ANK1: variants seen among roughly 807,000 people sequenced by gnomAD.
ANK1 encodes the protein ankyrin 1, also known as ankyrin-1.
In ANK1, 51 loss-of-function variants were observed where a neutral mutation model predicts 210.4. That is an observed-to-expected ratio of 0.24 (90% CI 0.19 to 0.31). The LOEUF is 0.31. Among genes scored for constraint, ANK1 ranks in the 10% least tolerant of loss-of-function variants. The pLI is 1.00. For missense variants in ANK1, 2,051 were observed against 2,504.4 expected (o/e 0.82, Z 3.86); for synonymous variants, 967 against 1,025.9 (o/e 0.94, Z 1.10).
chr8:41,756,649 G>A (rs1255820594), intron 2 of ANK1, among the ~76,000 whole-genome samples: 1 of 152,136 alleles, frequency 6.6e-6, no homozygotes, highest in Non-Finnish European at 1.5e-5. Context: ...CTCCACGATG[G>A]CCAGGCTGGT....
intron 37 of ANK1, among the ~76,000 whole-genome samples, chr8:41,681,791 G>A (rs1430539568): frequency 7.0e-6 from 1 of 142,304 alleles, no homozygotes; most frequent in Non-Finnish European, 1.5e-5. Context: ...AGAACACAAG[G>A]GCACCCAGAT....
chr8:41,875,579 A>C (rs1816399976), intron 1 of ANK1, among the ~76,000 whole-genome samples: 1 of 152,206 alleles, frequency 6.6e-6, no homozygotes, highest in Non-Finnish European at 1.5e-5. Flanking sequence ...ACATCTGTGC[A>C]GTATTAAGTG....
At chr8:41,822,868 G>A (rs1004559927) in intron 1 of ANK1, among the ~76,000 whole-genome samples, 1 of 152,234 alleles carries the variant, frequency 6.6e-6, no homozygotes, top group South Asian at 2.1e-4. Context: ...GAGAGCGGGG[G>A]CGGTGGAGGG....
chr8:41,757,267 T>C (rs1048899899), intron 2 of ANK1, among the ~76,000 whole-genome samples: 2 of 152,264 alleles, frequency 1.3e-5, no homozygotes, highest in African/African-American at 4.8e-5. Flanking sequence ...AATGGATAAC[T>C]GTATTCTAAA....
intron 4 of ANK1, 106 bp downstream of exon 4, chr8:41,727,802 G>A: frequency 9.7e-7 from 1 of 1,030,558 alleles, no homozygotes; most frequent in Non-Finnish European, 1.5e-6. Flanking sequence ...CTGCCCCACA[G>A]TAGTGTGTGT....
rs752905346 is a variant in ANK1 at position 41,803,039 on chromosome 8, AAG to A, written c.127-44904_127-44903del. On this transcript the variant is annotated intron_variant, in intron 1 of 42. Coordinates refer to the ANK1 transcript ENST00000265709. ...AAAGAAAGAAAGAAAGAAAGAAAGA[AAG>A]AGAAAGAAAGAAAGAGAGAAAGGAA... Among the ~76,000 whole-genome samples, 104 of 68,938 alleles carry A rather than the reference AAG, an allele frequency of 1.5e-3. 1 individual carries two copies. The highest frequency in any genetic ancestry group is 6.0e-3 in the Middle Eastern group (1 of 168). The allele number at this position is 68,938 out of a possible 152,430, so 45.2% of individuals were successfully genotyped here.
chr8:41,786,174 C>T (rs1846343533), intron 1 of ANK1, among the ~76,000 whole-genome samples: 1 of 152,192 alleles, frequency 6.6e-6, no homozygotes, highest in African/African-American at 2.4e-5. Context: ...CTTTTCAGAG[C>T]AGCCACCACA....
intron 1 of ANK1, among the ~76,000 whole-genome samples, chr8:41,854,467 C>T (rs951093570): frequency 6.6e-6 from 1 of 152,170 alleles, no homozygotes; most frequent in Non-Finnish European, 1.5e-5. Flanking sequence ...GCACAAGCAT[C>T]ATATCTGAGA....
At chr8:41,744,814 C>T (rs1442627819) in intron 2 of ANK1, among the ~76,000 whole-genome samples, 1 of 152,168 alleles carries the variant, frequency 6.6e-6, no homozygotes, top group African/African-American at 2.4e-5. Flanking sequence ...GGATTACAGG[C>T]GTGAGCCTCC....
At chr8:41,709,057 G>T in intron 16 of ANK1, 82 bp from the exon 17 acceptor site, 1 of 1,554,696 alleles carries the variant, frequency 6.4e-7, no homozygotes, top group Non-Finnish European at 8.8e-7. Flanking sequence ...GGCTGAGTCT[G>T]GTTCTTGGCC....
At chr8:41,885,465 A>C (rs1818304998) in intron 1 of ANK1, among the ~76,000 whole-genome samples, 2 of 152,220 alleles carry the variant, frequency 1.3e-5, no homozygotes, top group South Asian at 4.1e-4. Flanking sequence ...AGTTAAGTGC[A>C]ACAGCTCAAG....
At chr8:41,755,218 A>ACGAAC (rs1430703883) in intron 2 of ANK1, among the ~76,000 whole-genome samples, 1 of 152,212 alleles carries the variant, frequency 6.6e-6, no homozygotes, top group Non-Finnish European at 1.5e-5. Context: ...TGAGCCCAAA[A>ACGAAC]CGAACCGAAG....
At chr8:41,811,663 A>C (rs1587138340) in intron 1 of ANK1, among the ~76,000 whole-genome samples, 1 of 152,078 alleles carries the variant, frequency 6.6e-6, no homozygotes, top group Non-Finnish European at 1.5e-5. Context: ...AGAGCACGGA[A>C]CCTCCCAAAC....
chr8:41,865,582 C>T (rs1378575430), intron 1 of ANK1, among the ~76,000 whole-genome samples: 4 of 152,148 alleles, frequency 2.6e-5, no homozygotes, highest in Non-Finnish European at 5.9e-5. Flanking sequence ...AAGCTGCACA[C>T]GTGTGAATTG....
intron 1 of ANK1, among the ~76,000 whole-genome samples, chr8:41,778,465 T>C (rs1844580282): frequency 1.3e-5 from 2 of 152,198 alleles, no homozygotes; most frequent in African/African-American, 2.4e-5. Flanking sequence ...GTTGTGGGGA[T>C]CCATTTCAAT....
chr8:41,703,420 G>GTATA (rs1431513474), intron 20 of ANK1, among the ~76,000 whole-genome samples: 3 of 51,138 alleles, frequency 5.9e-5, no homozygotes, highest in African/African-American at 1.8e-4. Flanking sequence ...GTGTGTGTGT[G>GTATA]TGTATATATA....
chr8:41,702,931 T>G (rs921025933), intron 20 of ANK1, among the ~76,000 whole-genome samples: 5 of 152,154 alleles, frequency 3.3e-5, no homozygotes, highest in Admixed American at 3.3e-4. Context: ...GTGGTTCTTG[T>G]GCCTCAGCCT....
At chr8:41,784,136 T>G (rs1364062057) in intron 1 of ANK1, among the ~76,000 whole-genome samples, 1 of 151,984 alleles carries the variant, frequency 6.6e-6, no homozygotes, top group Non-Finnish European at 1.5e-5. Context: ...TAATCGCATT[T>G]GACTCTAAAA....
At chr8:41,718,234 G>A in intron 10 of ANK1, 30 bp from the exon 11 acceptor site, 1 of 1,606,150 alleles carries the variant, frequency 6.2e-7, no homozygotes, top group African/African-American at 1.3e-5. Context: ...AGACAGACAA[G>A]CAGGAGCTTA....
Sources: gnomAD v4.1 joint callset for allele counts (sites outside exome capture counted in the v4.1 genomes callset) on GRCh38, gnomAD v4.1.1 for gene constraint, MANE v1.5 for transcripts, NCBI Gene and HGNC (gene_info 2026-07-23, HGNC 2026-07-21) for gene names.